The following CSMD1 variants were observed in gnomAD, a reference collection of about 807,000 sequenced individuals.
CSMD1 encodes the protein CUB and sushi domain-containing protein 1.
Under a neutral mutation model 417.5 loss-of-function variants are expected in CSMD1, and 213 were observed. The ratio of observed to expected loss-of-function variants is 0.51; its 90% CI spans 0.46 to 0.57. The LOEUF is 0.57. CSMD1 is among the 20% of genes least tolerant of loss of function. The pLI is 0.00. For synonymous variants in CSMD1, 2,862 were observed against 1,736.8 expected, an observed-to-expected ratio of 1.65 and a Z score of -16.11; for missense variants, 6,923 against 4,529.7, an observed-to-expected ratio of 1.53 and a Z score of -15.17.
intron 3 of CSMD1, among the ~76,000 whole-genome samples, chr8:4,243,161 T>C (rs1802501703): frequency 6.6e-6 from 1 of 151,506 alleles, no homozygotes; most frequent in Non-Finnish European, 1.5e-5. Flanking sequence ...GGAGGGAGAG[T>C]GCTTGCATGG....
At chr8:4,523,210 TCA>T (rs1803571359) in intron 2 of CSMD1, among the ~76,000 whole-genome samples, 1 of 152,194 alleles carries the variant, frequency 6.6e-6, no homozygotes, top group African/African-American at 2.4e-5. Flanking sequence ...CTTGACATGT[TCA>T]CAGTCTTCTG....
At chr8:3,358,351 G>A (rs1337847056) in intron 21 of CSMD1, among the ~76,000 whole-genome samples, 1 of 152,170 alleles carries the variant, frequency 6.6e-6, no homozygotes, top group Non-Finnish European at 1.5e-5. Flanking sequence ...CCCAGAATAT[G>A]CTGAGCAACA....
chr8:3,564,804 G>T (rs1799629124), intron 10 of CSMD1, among the ~76,000 whole-genome samples: 1 of 151,880 alleles, frequency 6.6e-6, no homozygotes, highest in Non-Finnish European at 1.5e-5. Context: ...GGTGTGAGAG[G>T]GAAGTAGTCA....
intron 10 of CSMD1, among the ~76,000 whole-genome samples, chr8:3,526,108 AAC>A (rs1350813786): frequency 6.6e-6 from 1 of 152,134 alleles, no homozygotes; most frequent in Non-Finnish European, 1.5e-5. Flanking sequence ...CAGCTTTAAA[AAC>A]AGTCTACATT....
chr8:3,531,422 T>C (rs915647413), intron 10 of CSMD1, among the ~76,000 whole-genome samples: 6 of 152,178 alleles, frequency 3.9e-5, no homozygotes, highest in Non-Finnish European at 7.3e-5. Context: ...AGTAACATTA[T>C]TCTATATGTG....
At chr8:3,520,723 C>A (rs919725164) in intron 10 of CSMD1, among the ~76,000 whole-genome samples, 1 of 151,888 alleles carries the variant, frequency 6.6e-6, no homozygotes, top group Non-Finnish European at 1.5e-5. Flanking sequence ...GGCTGCCCAC[C>A]TTTTTTTGTG....
intron 6 of CSMD1, among the ~76,000 whole-genome samples, chr8:3,745,585 T>C (rs1797027618): frequency 6.6e-6 from 1 of 152,166 alleles, no homozygotes; most frequent in South Asian, 2.1e-4. Flanking sequence ...TCCTCAACCA[T>C]TTTGGAACTC....
intron 2 of CSMD1, among the ~76,000 whole-genome samples, chr8:4,505,595 C>A (rs1379446543): frequency 6.6e-6 from 1 of 152,016 alleles, no homozygotes; most frequent in African/African-American, 2.4e-5. Context: ...AATAACTTAG[C>A]CTTGTGCTTT....
chr8:4,421,996 G>C (rs1287013796), intron 2 of CSMD1, among the ~76,000 whole-genome samples: 3 of 151,950 alleles, frequency 2.0e-5, no homozygotes, highest in Admixed American at 6.6e-5. Flanking sequence ...TCATCATAAA[G>C]ATAATAAAAG....
At chr8:4,483,838 C>G (rs1366407941) in intron 2 of CSMD1, among the ~76,000 whole-genome samples, 2 of 152,032 alleles carry the variant, frequency 1.3e-5, no homozygotes, top group Admixed American at 1.3e-4. Flanking sequence ...TAGAAAATAA[C>G]AAAATATTTC....
chr8:4,750,005 A>G (rs1563287256), intron 1 of CSMD1, among the ~76,000 whole-genome samples: 1 of 151,852 alleles, frequency 6.6e-6, no homozygotes, highest in Non-Finnish European at 1.5e-5. Flanking sequence ...AAAAAAAATA[A>G]TAATTATTAT....
At chr8:4,343,751 T>A (rs1030910831) in intron 3 of CSMD1, among the ~76,000 whole-genome samples, 1 of 152,052 alleles carries the variant, frequency 6.6e-6, no homozygotes, top group African/African-American at 2.4e-5. Context: ...TCTTGATGTG[T>A]GCACTGGGGC....
chr8:3,638,433 G>T (rs9792138), intron 7 of CSMD1, among the ~76,000 whole-genome samples: 3 of 151,138 alleles, frequency 2.0e-5, no homozygotes, highest in African/African-American at 7.3e-5. Context: ...CACCGCAACT[G>T]CACCCCTCCA....
At chr8:4,817,178 T>C (rs2028226) in intron 1 of CSMD1, among the ~76,000 whole-genome samples, 40,733 of 152,036 alleles carry the variant, frequency 0.27, 5,685 homozygotes, top group Non-Finnish European at 0.31. Context: ...CACACTATAC[T>C]CATGTATAAA....
chr8:3,329,409 A>T (rs1463440362), intron 23 of CSMD1, among the ~76,000 whole-genome samples: 1 of 152,060 alleles, frequency 6.6e-6, no homozygotes, highest in Non-Finnish European at 1.5e-5. Context: ...AGACCCTTCA[A>T]GCAGATGGAG....
intron 1 of CSMD1, among the ~76,000 whole-genome samples, chr8:4,682,785 C>A (rs756793011): frequency 7.4e-4 from 112 of 151,086 alleles, no homozygotes; most frequent in South Asian, 1.9e-3. Flanking sequence ...TAAGTATATA[C>A]GAAGCAACAT....
At chr8:4,401,248 A>T (rs1804626083) in intron 3 of CSMD1, among the ~76,000 whole-genome samples, 1 of 152,148 alleles carries the variant, frequency 6.6e-6, no homozygotes, top group African/African-American at 2.4e-5. Context: ...ATGCTTATTT[A>T]AAATATTAGA....
At chr8:3,752,236 C>G (rs1003933384) in intron 6 of CSMD1, among the ~76,000 whole-genome samples, 14 of 150,234 alleles carry the variant, frequency 9.3e-5, no homozygotes, top group Non-Finnish European at 1.9e-4. Context: ...GAAGGGAAAG[C>G]ACATTAATTT....
chr8:4,560,249 T>C (rs987680776), intron 2 of CSMD1, among the ~76,000 whole-genome samples: 1 of 152,254 alleles, frequency 6.6e-6, no homozygotes, highest in African/African-American at 2.4e-5. Flanking sequence ...CCTGCCAAAG[T>C]AATTTCACAA....
Sources: gnomAD v4.1 joint callset for allele counts (sites outside exome capture counted in the v4.1 genomes callset) on GRCh38, gnomAD v4.1.1 for gene constraint, MANE v1.5 for transcripts, NCBI Gene and HGNC (gene_info 2026-07-23, HGNC 2026-07-21) for gene names.